Variants in IMMP2L observed in about 807,000 individuals in gnomAD.
The protein encoded by IMMP2L is mitochondrial inner membrane protease subunit 2.
A neutral mutation model predicts 19.3 loss-of-function variants in IMMP2L; 18 were observed. The observed-to-expected ratio is 0.93, with a 90% CI of 0.64 to 1.38. The LOEUF (loss-of-function observed/expected upper bound fraction) is 1.38, where lower values mean the gene tolerates loss of function less well. IMMP2L is among the 40% of genes most tolerant of loss of function. The pLI is 0.00. For synonymous variants in IMMP2L, 76 were observed against 73.0 expected, an observed-to-expected ratio of 1.04 and a Z score of -0.21; for missense variants, 233 against 218.2, an observed-to-expected ratio of 1.07 and a Z score of -0.43.
chr7:110,685,984 G>C (rs1003642382), intron 5 of IMMP2L, among the ~76,000 whole-genome samples: 11 of 152,052 alleles, frequency 7.2e-5, no homozygotes, highest in Non-Finnish European at 1.5e-5. Context: ...GCAGTTAAAA[G>C]GTCCATTGGA....
chr7:111,286,376 G>A (rs888258248), intron 3 of IMMP2L, among the ~76,000 whole-genome samples: 16 of 152,056 alleles, frequency 1.1e-4, no homozygotes, highest in African/African-American at 2.9e-4. Flanking sequence ...CACGATCAAC[G>A]CAATAATGAC....
In IMMP2L at chr7:110,889,514, G is replaced by A. The variant is rs191705603; in HGVS notation, c.306-2819C>T. Among the ~76,000 whole-genome samples the A allele has an allele frequency of 1.5e-3, 225 of 152,252 alleles. 1 individual carries two copies. The highest frequency in any genetic ancestry group is 4.9e-3 in the African/African-American group (203 of 41,558). On this transcript the variant is annotated intron_variant, in intron 4 of 5. Transcript: ENST00000405709. Reference sequence around the variant, plus strand: ...TGATTTGGCACGAGGCGGGGCTCAGGCAGTAATGAGAGCAATGGGCAGTGG... The same window carrying A: ...TGATTTGGCACGAGGCGGGGCTCAGACAGTAATGAGAGCAATGGGCAGTGG...
intron 1 of IMMP2L, among the ~76,000 whole-genome samples, chr7:111,539,605 A>G (rs1232922530): frequency 6.6e-6 from 1 of 150,966 alleles, no homozygotes; most frequent in Non-Finnish European, 1.5e-5. Flanking sequence ...AACTGCCTCA[A>G]TCAGAGCCAC....
intron 3 of IMMP2L, among the ~76,000 whole-genome samples, chr7:111,395,337 G>T (rs924649886): frequency 6.6e-6 from 1 of 152,058 alleles, no homozygotes. Flanking sequence ...AACCTAAAAT[G>T]TATTTCTACC....
In IMMP2L at chr7:110,971,308, G is replaced by A. The variant is rs2129556614; in HGVS notation, c.240-7743C>T. 2.0e-5 allele frequency among the ~76,000 whole-genome samples: 3 copies of A among 152,204 alleles called. 1 individual carries two copies. The Middle Eastern group carries it at 0.01, about 518-fold the overall frequency. ...GTAAAAGTGAAGAAAGTAAGCATAA[G>A]GCTAGTCTTGAGCATTTTACCTTCA... On this transcript the variant is annotated intron_variant, in intron 3 of 5. Coordinates refer to ENST00000405709, the MANE Select transcript of IMMP2L (RefSeq NM_032549.4).
chr7:110,817,613 T>C (rs1197828368), intron 5 of IMMP2L, among the ~76,000 whole-genome samples: 1 of 152,106 alleles, frequency 6.6e-6, no homozygotes, highest in East Asian at 1.9e-4. Context: ...AAAAAACTAC[T>C]TTAAAGTTCA....
intron 3 of IMMP2L, among the ~76,000 whole-genome samples, chr7:111,235,682 C>A (rs891653154): frequency 6.6e-6 from 1 of 151,808 alleles, no homozygotes; most frequent in Non-Finnish European, 1.5e-5. Flanking sequence ...TCTGTATCAT[C>A]TTCTTGTGCT....
intron 3 of IMMP2L, among the ~76,000 whole-genome samples, chr7:111,275,283 C>T (rs37743): frequency 0.54 from 81,967 of 151,880 alleles, 22,525 homozygotes; most frequent in South Asian, 0.71. Context: ...CAAATAACAG[C>T]AAAGCACTCT....
Position 111,492,340 on chromosome 7 carries a change from G to C in IMMP2L, c.136-4999C>G, listed in dbSNP as rs192335129. ...TACTTCCCCTCCTTATTTAACAGTAGTACCACTTACCCTATCCCCCATACT... is the reference window on the plus strand; with the variant it reads ...TACTTCCCCTCCTTATTTAACAGTACTACCACTTACCCTATCCCCCATACT... On this transcript the variant is annotated intron_variant, in intron 2 of 5. Coordinates refer to ENST00000405709, the MANE Select transcript of IMMP2L (RefSeq NM_032549.4). 3.4e-5 allele frequency: 33 copies of C among 963,900 alleles called. No homozygotes were observed. The African/African-American group carries it at 4.8e-4, about 14-fold the overall frequency. 59.7% of individuals were successfully genotyped at this position (963,900 alleles called of 1,614,324 possible). A position where few individuals can be genotyped will look rare whatever the true frequency, so the allele number is the denominator to read the frequency against.
intron 5 of IMMP2L, among the ~76,000 whole-genome samples, chr7:110,692,172 A>G (rs1456041767): frequency 6.6e-6 from 1 of 152,140 alleles, no homozygotes; most frequent in Non-Finnish European, 1.5e-5. Context: ...GAACAAAATA[A>G]TATCTTTTGC....
At chr7:110,855,877 A>C (rs1806706183) in intron 5 of IMMP2L, among the ~76,000 whole-genome samples, 1 of 151,992 alleles carries the variant, frequency 6.6e-6, no homozygotes, top group Non-Finnish European at 1.5e-5. Context: ...ATATATGGAG[A>C]CCTATCTGGG....
chr7:111,181,742 C>T (rs1288475386), intron 3 of IMMP2L, among the ~76,000 whole-genome samples: 1 of 151,888 alleles, frequency 6.6e-6, no homozygotes, highest in Non-Finnish European at 1.5e-5. Flanking sequence ...CAAACAATAA[C>T]AAAAAGTTGA....
chr7:111,498,776 A>T (rs1036526863), intron 2 of IMMP2L, among the ~76,000 whole-genome samples: 1 of 151,928 alleles, frequency 6.6e-6, no homozygotes, highest in East Asian at 1.9e-4. Context: ...ATGCTGCATT[A>T]TAAGGAAAAA....
chr7:111,506,518 C>T (rs1844920799), intron 2 of IMMP2L, among the ~76,000 whole-genome samples: 1 of 152,188 alleles, frequency 6.6e-6, no homozygotes, highest in African/African-American at 2.4e-5. Context: ...CTGCCTCAGC[C>T]TCCAGAGTAG....
rs1009078357 is a variant in IMMP2L at position 110,861,666 on chromosome 7, T to C, written c.408+24927A>G. Among the ~76,000 whole-genome samples the C allele has an allele frequency of 7.0e-5, 10 of 143,584 alleles. No individual in the cohort carries two copies. The East Asian group carries it at 1.9e-3, about 28-fold the overall frequency. The allele number at this position is 143,584 out of a possible 152,430, so 94.2% of individuals were successfully genotyped here. A position where few individuals can be genotyped will look rare whatever the true frequency, so the allele number is the denominator to read the frequency against. On this transcript the variant is annotated intron_variant, in intron 5 of 5. Transcript: ENST00000405709. ...CAGATGACAGTTTTCTCACTGTAATTACTAAGAATTTAAATTTTCATTTTT... is the reference window on the plus strand; with the variant it reads ...CAGATGACAGTTTTCTCACTGTAATCACTAAGAATTTAAATTTTCATTTTT...
chr7:111,534,042 G>A (rs1357350150), intron 1 of IMMP2L, among the ~76,000 whole-genome samples: 3 of 151,810 alleles, frequency 2.0e-5, no homozygotes, highest in Admixed American at 6.6e-5. Flanking sequence ...ATAAAAAGAT[G>A]TACAAACACA....
intron 5 of IMMP2L, among the ~76,000 whole-genome samples, chr7:110,705,875 T>C (rs2130677367): frequency 6.6e-6 from 1 of 152,242 alleles, no homozygotes; most frequent in South Asian, 2.1e-4. Flanking sequence ...TGCATCCATG[T>C]TGCTGCAAAG....
chr7:111,203,946 T>C (rs1237899143), intron 3 of IMMP2L, among the ~76,000 whole-genome samples: 2 of 152,100 alleles, frequency 1.3e-5, no homozygotes, highest in African/African-American at 2.4e-5. Context: ...AATGGTTACT[T>C]TGATAATACA....
At chr7:110,840,359 G>A (rs929406265) in intron 5 of IMMP2L, among the ~76,000 whole-genome samples, 1 of 151,982 alleles carries the variant, frequency 6.6e-6, no homozygotes, top group Non-Finnish European at 1.5e-5. Flanking sequence ...CTGGAATCCT[G>A]ACCCATATGC....
Sources: allele counts gnomAD v4.1 joint callset (sites outside exome capture counted in the v4.1 genomes callset), GRCh38; gene constraint gnomAD v4.1.1; transcripts MANE v1.5; gene names NCBI Gene and HGNC (gene_info 2026-07-23, HGNC 2026-07-21).